The following CTNNA3 variants were observed in gnomAD, a reference collection of about 807,000 sequenced individuals.
The protein encoded by CTNNA3 is catenin alpha-3.
A neutral mutation model predicts 95.7 loss-of-function variants in CTNNA3; 76 were observed. The observed-to-expected ratio is 0.79, with a 90% confidence interval of 0.66 to 0.96. The LOEUF is 0.96. Ranked by LOEUF, CTNNA3 falls within the 40% of genes least tolerant of loss-of-function variation. The probability of loss-of-function intolerance (pLI) is 0.00; values close to 1 mark genes in which losing one functional copy is unlikely to be tolerated. For missense variants in CTNNA3, 1,191 were observed against 1,089.8 expected, an observed-to-expected ratio of 1.09 and a Z score of -1.31; for synonymous variants, 431 against 374.4, an observed-to-expected ratio of 1.15 and a Z score of -1.74.
rs369981717 is a variant in CTNNA3 at position 67,740,873 on chromosome 10, A to G, written c.-2+22561T>C. Among the ~76,000 whole-genome samples the G allele has an allele frequency of 8.2e-4, 124 of 151,420 alleles. 2 individuals carry two copies. The East Asian group carries it at 0.02, about 24-fold the overall frequency. On this transcript the variant is annotated intron_variant, in intron 1 of 17. Coordinates refer to the CTNNA3 transcript ENST00000684154. The stretch of plus-strand genomic sequence containing the variant: ...ACACATGCACACGTATGTTTATTGC[A>G]GCACTATTCACAATAGCAAAGACTT...
At chr10:66,436,197 G>A (rs916387929) in intron 11 of CTNNA3, among the ~76,000 whole-genome samples, 17 of 152,196 alleles carry the variant, frequency 1.1e-4, no homozygotes, top group Admixed American at 2.0e-4. Context: ...AGGTCTGCTC[G>A]GACCTGAGCT....
intron 3 of CTNNA3, among the ~76,000 whole-genome samples, chr10:67,601,818 C>T (rs1439157356): frequency 1.3e-5 from 2 of 152,258 alleles, no homozygotes; most frequent in East Asian, 1.9e-4. Context: ...TCTGCTGAAT[C>T]TCTACACTTC....
At chr10:66,833,631 C>T (rs2132327426) in intron 7 of CTNNA3, among the ~76,000 whole-genome samples, 1 of 152,214 alleles carries the variant, frequency 6.6e-6, no homozygotes, top group Admixed American at 6.5e-5. Context: ...GTAGTGTGTT[C>T]CTAGACACTT....
intron 11 of CTNNA3, among the ~76,000 whole-genome samples, chr10:66,396,355 G>C (rs2092976993): frequency 6.6e-6 from 1 of 151,782 alleles, no homozygotes; most frequent in African/African-American, 2.4e-5. Flanking sequence ...CTAATACATG[G>C]AATGTAATCA....
chr10:66,479,896 T>C (rs1839457448), intron 11 of CTNNA3, among the ~76,000 whole-genome samples: 1 of 151,066 alleles, frequency 6.6e-6, no homozygotes, highest in Non-Finnish European at 1.5e-5. Flanking sequence ...CACATTCTCA[T>C]CAAGAGATCA....
At chr10:67,461,374 C>T (rs1051090435) in intron 5 of CTNNA3, among the ~76,000 whole-genome samples, 19 of 152,074 alleles carry the variant, frequency 1.2e-4, no homozygotes, top group South Asian at 4.1e-4. Context: ...GTCTTATGCC[C>T]CTATCAGCAA....
chr10:66,509,056 T>G (rs1041158372), intron 11 of CTNNA3, among the ~76,000 whole-genome samples: 2 of 152,116 alleles, frequency 1.3e-5, no homozygotes, highest in African/African-American at 4.8e-5. Context: ...TTGTTATTTA[T>G]TTTTGTCTTT....
chr10:66,034,457 C>G lies in CTNNA3; in HGVS notation c.2159+34851G>C, dbSNP rs536738383. Among the ~76,000 whole-genome samples, 140 of 152,248 alleles carry G rather than the reference C, an allele frequency of 9.2e-4. 1 individual carries two copies. Among genetic ancestry groups the G allele is most frequent in the African/African-American group, 3.0e-3 (126 of 41,552 alleles). On this transcript the variant is annotated intron_variant, in intron 15 of 17. Coordinates refer to ENST00000433211, the MANE Select transcript of CTNNA3 (RefSeq NM_013266.4). ...CTGAACATTTCTCATTATACAGTCT[C>G]CAGTTCAATTCTTCACCATTTTCAC...
At chr10:67,232,700 A>C (rs1358601856) in intron 5 of CTNNA3, among the ~76,000 whole-genome samples, 1 of 151,968 alleles carries the variant, frequency 6.6e-6, no homozygotes, top group Admixed American at 6.6e-5. Flanking sequence ...GCTCCAATTA[A>C]AAGACACAGA....
At chr10:66,733,120 T>A (rs1849016157) in intron 9 of CTNNA3, among the ~76,000 whole-genome samples, 1 of 152,000 alleles carries the variant, frequency 6.6e-6, no homozygotes, top group Non-Finnish European at 1.5e-5. Context: ...TAAAATATAT[T>A]CTCCTTTATT....
chr10:67,666,784 T>C (rs761852440), intron 1 of CTNNA3, among the ~76,000 whole-genome samples: 15 of 152,164 alleles, frequency 9.9e-5, no homozygotes, highest in Non-Finnish European at 1.9e-4. Context: ...ATTTGACTTT[T>C]AGAGCCCAGA....
rs561323175 is a variant in CTNNA3, at chr10:66,566,559, T to G, written c.1375-45786A>C. 2.0e-5 allele frequency among the ~76,000 whole-genome samples: 3 copies of G among 150,234 alleles called. No individual in the cohort carries two copies. The South Asian group carries it at 6.7e-4, about 33-fold the overall frequency. ...TGAGTGGGCGTATTTATTTTTGAGTTGAATGAAAATGTTTTTGACTAGTTG... is the reference window on the plus strand; with the variant it reads ...TGAGTGGGCGTATTTATTTTTGAGTGGAATGAAAATGTTTTTGACTAGTTG... On this transcript the variant is annotated intron_variant, in intron 10 of 17. Transcript: ENST00000433211.
At chr10:66,677,400 C>A (rs967286216) in intron 9 of CTNNA3, among the ~76,000 whole-genome samples, 3 of 103,470 alleles carry the variant, frequency 2.9e-5, no homozygotes, top group Non-Finnish European at 6.0e-5. Flanking sequence ...AAATAGAAGC[C>A]CACTTTTTTT....
chr10:66,360,117 G>T (rs182775109), intron 12 of CTNNA3, among the ~76,000 whole-genome samples: 1 of 152,006 alleles, frequency 6.6e-6, no homozygotes, highest in East Asian at 1.9e-4. Flanking sequence ...ATGAGCCATC[G>T]CACCTGGCCC....
chr10:66,643,763 AC>A (rs1222854994), intron 9 of CTNNA3, among the ~76,000 whole-genome samples: 6 of 152,322 alleles, frequency 3.9e-5, no homozygotes, highest in Non-Finnish European at 5.9e-5. Context: ...TTCAAAATTG[AC>A]CATTTTATAA....
Position 66,090,672 on chromosome 10 carries a change from G to C in CTNNA3, c.1977+12485C>G, listed in dbSNP as rs57973581. Among the ~76,000 whole-genome samples, 1,439 of 151,964 alleles carry C rather than the reference G, an allele frequency of 9.5e-3. 26 individuals carry two copies. Among genetic ancestry groups the C allele is most frequent in the African/African-American group, 0.032 (1,338 of 41,496 alleles). ...CAGAAACGAAGAGACATGTTTGGAG[G>C]CTGACTTTTTCTAAAAGCTCTGTTT... On this transcript the variant is annotated intron_variant, in intron 14 of 17. Transcript: ENST00000433211.
In CTNNA3 at chr10:67,461,310, TTCCAAGATCTTAGAAGGGTAC is replaced by T. The variant is rs562813729; in HGVS notation, c.579+60511_579+60531del. On this transcript the variant is annotated intron_variant, in intron 5 of 17. Transcript: ENST00000433211. ...AGTGCCACTAACCATTAAAATTGTA[TTCCAAGATCTTAGAAGGGTAC>T]TCCAAGATCTTAGAAGGATATCCCA... 1.3e-3 allele frequency among the ~76,000 whole-genome samples: 196 copies of T among 152,222 alleles called. 1 individual carries two copies. The highest frequency in any genetic ancestry group is 2.2e-3 in the Non-Finnish European group (152 of 67,984).
chr10:66,916,038 T>C (rs934493553), intron 7 of CTNNA3, among the ~76,000 whole-genome samples: 5 of 152,164 alleles, frequency 3.3e-5, no homozygotes, highest in Non-Finnish European at 7.3e-5. Context: ...TTTGAACTAC[T>C]GTGCCCAGTC....
chr10:67,663,078 C>T (rs1840235006), intron 1 of CTNNA3, among the ~76,000 whole-genome samples: 2 of 152,216 alleles, frequency 1.3e-5, no homozygotes, highest in South Asian at 2.1e-4. Context: ...GTACATCTGT[C>T]AATTTACAGT....
Sources: allele counts gnomAD v4.1 joint callset (sites outside exome capture counted in the v4.1 genomes callset), GRCh38; gene constraint gnomAD v4.1.1; transcripts MANE v1.5; gene names NCBI Gene and HGNC (gene_info 2026-07-23, HGNC 2026-07-21).